Variants in CCSER1 observed in about 807,000 individuals in gnomAD.
CCSER1 encodes coiled-coil serine rich protein 1.
In CCSER1, 41 loss-of-function variants were observed where a neutral mutation model predicts 82.0. The ratio of observed to expected loss-of-function variants is 0.50; its 90% CI spans 0.39 to 0.65. CCSER1 has a LOEUF of 0.65. Ranked by LOEUF, CCSER1 falls within the 30% of genes least tolerant of loss-of-function variation. CCSER1 has a pLI of 0.00. For synonymous variants in CCSER1, 414 were observed against 383.9 expected, an observed-to-expected ratio of 1.08 and a Z score of -0.92; for missense variants, 1,119 against 1,064.2, an observed-to-expected ratio of 1.05 and a Z score of -0.72.
chr4:90,889,333 T>A (rs1336946078), intron 8 of CCSER1, among the ~76,000 whole-genome samples: 2 of 152,108 alleles, frequency 1.3e-5, no homozygotes, highest in East Asian at 3.9e-4. Flanking sequence ...CAACACATAA[T>A]GATGATGAAT....
At chr4:91,118,286 T>A (rs1332197864) in intron 10 of CCSER1, among the ~76,000 whole-genome samples, 1 of 143,174 alleles carries the variant, frequency 7.0e-6, no homozygotes. Context: ...TATGGAGACT[T>A]TTTTTTTTTT....
At chr4:91,204,706 A>T (rs1736204101) in intron 10 of CCSER1, among the ~76,000 whole-genome samples, 2 of 151,774 alleles carry the variant, frequency 1.3e-5, no homozygotes, top group Admixed American at 6.6e-5. Context: ...TGTTTGTAGA[A>T]TTTACTTTTT....
intron 10 of CCSER1, among the ~76,000 whole-genome samples, chr4:91,340,339 C>T (rs1747628468): frequency 1.3e-5 from 2 of 152,166 alleles, no homozygotes; most frequent in African/African-American, 2.4e-5. Context: ...ACAAATCAAT[C>T]ACTGTCCTGA....
chr4:91,525,484 A>G (rs368847119), intron 10 of CCSER1, among the ~76,000 whole-genome samples: 16 of 152,298 alleles, frequency 1.1e-4, no homozygotes, highest in African/African-American at 3.6e-4. Flanking sequence ...TGAACCGTAT[A>G]AAGGAAATTG....
At chr4:91,084,647 C>A (rs945453970) in intron 9 of CCSER1, among the ~76,000 whole-genome samples, 1 of 152,012 alleles carries the variant, frequency 6.6e-6, no homozygotes, top group South Asian at 2.1e-4. Context: ...GTTTTATATT[C>A]TTTGTCACAT....
chr4:90,848,163 A>G (rs140991400), intron 8 of CCSER1, among the ~76,000 whole-genome samples: 6 of 152,226 alleles, frequency 3.9e-5, no homozygotes, highest in Admixed American at 2.0e-4. Context: ...GTAAGGGGGT[A>G]GGAATTTATT....
At chr4:91,322,619 A>G (rs946757774) in intron 10 of CCSER1, among the ~76,000 whole-genome samples, 3 of 136,044 alleles carry the variant, frequency 2.2e-5, no homozygotes, top group African/African-American at 8.5e-5. Context: ...TGAATTAGAA[A>G]TACATTATAT....
Position 90,308,477 on chromosome 4 carries a change from A to G in CCSER1, c.193A>G (p.Thr65Ala). Residue 65 changes from threonine to alanine, a missense_variant, in exon 2 of 11, where the codon ACT (threonine) becomes GCT (alanine). Physicochemically the swap from Thr to Ala is moderately conservative, Grantham distance 58. Coordinates refer to ENST00000509176, the MANE Select transcript of CCSER1 (RefSeq NM_001145065.2). ...AGGTAAACGGAGGAGCATATTCCGT[A>G]CTCCTTCCATTAGCTTCCACCATAA... is the stretch of plus-strand genomic sequence containing the variant. ...STGKRRSIFRTPSISFHHKKG... is the reference protein window; with the variant it reads ...STGKRRSIFRAPSISFHHKKG... The G allele has an allele frequency of 6.2e-7, 1 of 1,613,738 alleles. No individual in the cohort carries two copies. The highest frequency in any genetic ancestry group is 8.5e-7 in the Non-Finnish European group (1 of 1,179,764).
intron 6 of CCSER1, among the ~76,000 whole-genome samples, chr4:90,698,816 A>G (rs962767989): frequency 6.6e-6 from 1 of 152,168 alleles, no homozygotes; most frequent in Admixed American, 6.6e-5. Flanking sequence ...CCAACTCAAC[A>G]AGAGTTGATT....
chr4:90,418,986 A>C (rs1756244224), intron 4 of CCSER1, among the ~76,000 whole-genome samples: 1 of 152,022 alleles, frequency 6.6e-6, no homozygotes, highest in Admixed American at 6.6e-5. Context: ...ATGAAGGAAG[A>C]GAAACCCAGA....
chr4:90,516,979 A>T (rs1772372070), intron 5 of CCSER1, among the ~76,000 whole-genome samples: 1 of 152,184 alleles, frequency 6.6e-6, no homozygotes, highest in South Asian at 2.1e-4. Context: ...TTGATTACAG[A>T]TGCTTCTCAA....
chr4:90,837,490 A>T (rs1477469720), intron 8 of CCSER1, among the ~76,000 whole-genome samples: 1 of 152,200 alleles, frequency 6.6e-6, no homozygotes, highest in Non-Finnish European at 1.5e-5. Flanking sequence ...CTTTATCTGT[A>T]AAATGGAGAT....
intron 6 of CCSER1, among the ~76,000 whole-genome samples, chr4:90,657,983 A>T (rs1730022340): frequency 6.6e-6 from 1 of 152,078 alleles, no homozygotes; most frequent in Non-Finnish European, 1.5e-5. Context: ...CATACTTGTA[A>T]TCTCAGCTAT....
At chr4:91,183,318 C>T (rs184374750) in intron 10 of CCSER1, among the ~76,000 whole-genome samples, 63 of 151,874 alleles carry the variant, frequency 4.1e-4, no homozygotes, top group African/African-American at 1.2e-3. Flanking sequence ...AAGGATAGGA[C>T]GTCTGGAAAA....
intron 10 of CCSER1, among the ~76,000 whole-genome samples, chr4:91,303,125 A>T (rs573496844): frequency 7.2e-4 from 109 of 152,134 alleles, no homozygotes; most frequent in African/African-American, 2.6e-3. Context: ...ACATAAAATG[A>T]TCCCAGTAGT....
intron 7 of CCSER1, among the ~76,000 whole-genome samples, chr4:90,797,808 C>A (rs1240640144): frequency 2.0e-5 from 3 of 152,172 alleles, no homozygotes; most frequent in Admixed American, 2.0e-4. Flanking sequence ...CCGCCAATGT[C>A]TTTTGGCTCA....
intron 1 of CCSER1, among the ~76,000 whole-genome samples, chr4:90,281,504 AT>A (rs1280877208): frequency 1.3e-5 from 2 of 151,884 alleles, no homozygotes; most frequent in Non-Finnish European, 2.9e-5. Flanking sequence ...TAAAAAAATA[AT>A]TTTTTCCATA....
intron 4 of CCSER1, among the ~76,000 whole-genome samples, chr4:90,424,401 TGTTTTA>T (rs1028745415): frequency 3.9e-5 from 6 of 152,220 alleles, no homozygotes; most frequent in Non-Finnish European, 8.8e-5. Flanking sequence ...TTTGCTTTTT[TGTTTTA>T]TTTTCAAAGG....
intron 10 of CCSER1, among the ~76,000 whole-genome samples, chr4:91,441,055 G>C (rs1297568443): frequency 6.6e-6 from 1 of 151,946 alleles, no homozygotes; most frequent in Non-Finnish European, 1.5e-5. Context: ...GGAGGAACTG[G>C]TACCATTCCT....
Sources: gnomAD v4.1 joint callset for allele counts (sites outside exome capture counted in the v4.1 genomes callset) on GRCh38, gnomAD v4.1.1 for gene constraint, MANE v1.5 for transcripts, NCBI Gene and HGNC (gene_info 2026-07-23, HGNC 2026-07-21) for gene names.